Variants in FREM1 observed in about 807,000 individuals in gnomAD.
The protein encoded by FREM1 is FRAS1-related extracellular matrix protein 1.
In FREM1, 220 loss-of-function variants were observed where a neutral mutation model predicts 210.1. That is an observed-to-expected ratio of 1.05 (90% CI 0.94 to 1.17). The LOEUF (loss-of-function observed/expected upper bound fraction) is 1.17, where lower values mean the gene tolerates loss of function less well. Among genes scored for constraint, FREM1 ranks in the 50% most tolerant of loss-of-function variants. The pLI, the probability that FREM1 is intolerant of heterozygous loss-of-function variation, is 0.00. For synonymous variants in FREM1, 1,189 were observed against 980.2 expected (o/e 1.21, Z -3.98); for missense variants, 3,454 against 2,675.5 (o/e 1.29, Z -6.42).
chr9:14,897,070 G>C (rs939058356), intron 1 of FREM1, among the ~76,000 whole-genome samples: 2 of 152,142 alleles, frequency 1.3e-5, no homozygotes, highest in Non-Finnish European at 2.9e-5. Flanking sequence ...GACAAAAAGT[G>C]CCATGTTATT....
intron 25 of FREM1, chr9:14,774,006 A>T (rs1469217259): frequency 2.1e-6 from 1 of 482,968 alleles, no homozygotes; most frequent in Non-Finnish European, 4.1e-6. Flanking sequence ...AGTGACTAAG[A>T]TCAATTAAAA....
chr9:14,897,725 G>C (rs1523212), intron 1 of FREM1, among the ~76,000 whole-genome samples: 64,523 of 151,784 alleles, frequency 0.43, 14,764 homozygotes, highest in Non-Finnish European at 0.53. Context: ...TGAGTAGCTA[G>C]GACTACAGGC....
chr9:14,785,691 A>G (rs1183616658), intron 23 of FREM1, among the ~76,000 whole-genome samples: 7 of 62,754 alleles, frequency 1.1e-4, no homozygotes, highest in African/African-American at 3.5e-4. Flanking sequence ...AGTCATGAAA[A>G]GATATCCACT....
At chr9:14,784,731 C>A in intron 23 of FREM1, 97 bp from the exon 24 acceptor site, 1 of 811,980 alleles carries the variant, frequency 1.2e-6, no homozygotes, top group Non-Finnish European at 1.8e-6. Context: ...GTGCAAAAAT[C>A]AAAATTAATA....
At chr9:14,901,507 C>CTT (rs143209846) in intron 1 of FREM1, among the ~76,000 whole-genome samples, 2,214 of 152,128 alleles carry the variant, frequency 0.015, 52 homozygotes, top group African/African-American at 0.051. Context: ...AACAGTCTGG[C>CTT]TTTTTCTACT....
At chr9:14,772,653 C>A (rs1290562676) in intron 25 of FREM1, among the ~76,000 whole-genome samples, 1 of 152,124 alleles carries the variant, frequency 6.6e-6, no homozygotes, top group Non-Finnish European at 1.5e-5. Flanking sequence ...CACAGTCATT[C>A]TTCTCCTCTC....
intron 1 of FREM1, among the ~76,000 whole-genome samples, chr9:14,880,423 T>A (rs1341695204): frequency 6.6e-6 from 1 of 151,606 alleles, no homozygotes; most frequent in East Asian, 1.9e-4. Flanking sequence ...GGCCAACATG[T>A]CAAAACCCTG....
At position 14,812,871 on chromosome 9, in the gene FREM1, G is replaced by C; in HGVS notation, c.2834C>G (p.Thr945Arg). ...QHGVVRRAGV[T>R]VDQFSQRDVI... Reference sequence around the variant, plus strand: ...ATCTCTCTGAGAGAACTGATCCACTGTGACTCCAGCTCTCCTCACCACCCC... The same window carrying C: ...ATCTCTCTGAGAGAACTGATCCACTCTGACTCCAGCTCTCCTCACCACCCC... Residue 945 changes from threonine (T) to arginine (R), a missense_variant, in exon 16 of 37, where the codon ACA (threonine) becomes AGA (arginine). Thr to Arg is a moderately conservative substitution (Grantham distance 71, BLOSUM62 -1). Coordinates refer to ENST00000380880, the MANE Select transcript of FREM1 (RefSeq NM_001379081.2). The C allele has an allele frequency of 6.2e-7, 1 of 1,613,806 alleles. No individual in the cohort carries two copies. The highest frequency in any genetic ancestry group is 8.5e-7 in the Non-Finnish European group (1 of 1,179,798).
chr9:14,854,852 A>G (rs545813718), intron 5 of FREM1, among the ~76,000 whole-genome samples: 2 of 152,204 alleles, frequency 1.3e-5, no homozygotes, highest in South Asian at 4.1e-4. Context: ...ACTGGACTTA[A>G]TAAGTATGCT....
chr9:14,786,834 C>G (rs572168743), intron 23 of FREM1, among the ~76,000 whole-genome samples: 1 of 152,262 alleles, frequency 6.6e-6, no homozygotes, highest in South Asian at 2.1e-4. Context: ...ATGCTACAGA[C>G]AGAAGCAAGA....
chr9:14,746,599 TC>T (rs908882506), intron 34 of FREM1, 131 bp from the exon 35 acceptor site: 1 of 682,860 alleles, frequency 1.5e-6, no homozygotes, highest in African/African-American at 1.8e-5. Flanking sequence ...TCAGCCCTAA[TC>T]CCAATTCTCC....
intron 22 of FREM1, among the ~76,000 whole-genome samples, chr9:14,792,515 C>T (rs1181128073): frequency 6.6e-6 from 1 of 152,242 alleles, no homozygotes; most frequent in East Asian, 1.9e-4. Context: ...TAGGGATAAT[C>T]CTACGGGAGA....
At chr9:14,772,147 T>C (rs1847682185) in intron 25 of FREM1, among the ~76,000 whole-genome samples, 1 of 152,090 alleles carries the variant, frequency 6.6e-6, no homozygotes, top group African/African-American at 2.4e-5. Context: ...ATGATAAATA[T>C]GTGAAGAAAC....
chr9:14,749,936 C>T (rs753412673), intron 30 of FREM1, among the ~76,000 whole-genome samples, 191 bp downstream of exon 30: 4 of 152,140 alleles, frequency 2.6e-5, no homozygotes, highest in Admixed American at 6.5e-5. Flanking sequence ...CTCAAGTGAT[C>T]GTACTTAGCA....
At chr9:14,896,202 G>A (rs766519902) in intron 1 of FREM1, among the ~76,000 whole-genome samples, 5 of 152,170 alleles carry the variant, frequency 3.3e-5, no homozygotes, top group Non-Finnish European at 7.3e-5. Flanking sequence ...CACCATGACT[G>A]TTTACAAATG....
intron 1 of FREM1, among the ~76,000 whole-genome samples, chr9:14,872,083 G>C (rs1832782022): frequency 1.3e-5 from 2 of 152,192 alleles, no homozygotes. Context: ...TTGTTGTATA[G>C]TTTGAAGTCA....
intron 18 of FREM1, among the ~76,000 whole-genome samples, chr9:14,806,284 C>T (rs374889388): frequency 3.9e-3 from 122 of 30,916 alleles, no homozygotes; most frequent in Non-Finnish European, 7.8e-3. Flanking sequence ...GACGGAGTTT[C>T]CGCTCCTGCT....
At position 14,761,203 on chromosome 9, in the gene FREM1, T is replaced by A. The variant is rs1845433318; in HGVS notation, c.5205-1302A>T. ...GAAGTTTGTCTTCAAATAACCACTG[T>A]GTCCACACTGATCATGTGTCATAAT... is the stretch of plus-strand genomic sequence containing the variant. On this transcript the variant is annotated intron_variant, in intron 27 of 36. Coordinates refer to ENST00000380880, the MANE Select transcript of FREM1 (RefSeq NM_001379081.2). Among the ~76,000 whole-genome samples, 4 of 152,292 alleles carry A rather than the reference T, an allele frequency of 2.6e-5. No individual in the cohort carries two copies. The South Asian group carries it at 8.3e-4, about 32-fold the overall frequency.
intron 31 of FREM1, among the ~76,000 whole-genome samples, chr9:14,748,177 A>G (rs1394114737): frequency 2.0e-5 from 3 of 152,214 alleles, no homozygotes; most frequent in African/African-American, 7.2e-5. Flanking sequence ...AAGAAATCAT[A>G]TGGATGAATC....
Sources: gnomAD v4.1 joint callset for allele counts (sites outside exome capture counted in the v4.1 genomes callset) on GRCh38, gnomAD v4.1.1 for gene constraint, MANE v1.5 for transcripts, NCBI Gene and HGNC (gene_info 2026-07-23, HGNC 2026-07-21) for gene names.